ATP10B: variants seen among roughly 807,000 people sequenced by gnomAD.
ATP10B encodes the protein ATPase phospholipid transporting 10B (putative).
Under a neutral mutation model 141.2 loss-of-function variants are expected in ATP10B, and 122 were observed. The observed-to-expected ratio is 0.86, with a 90% CI of 0.75 to 1.00. The LOEUF (loss-of-function observed/expected upper bound fraction) is 1.00, where lower values mean the gene tolerates loss of function less well. Ranked by LOEUF, ATP10B falls within the 50% of genes least tolerant of loss-of-function variation. ATP10B has a pLI of 0.00. For synonymous variants in ATP10B, 685 were observed against 692.0 expected (o/e 0.99, Z 0.16); for missense variants, 1,876 against 1,825.3 (o/e 1.03, Z -0.51).
chr5:160,914,482 G>A, the ATP10B span, among the ~76,000 whole-genome samples: 136 of 152,186 alleles, frequency 8.9e-4, no homozygotes, highest in African/African-American at 3.0e-3. Context: ...TGTATAAATC[G>A]TCTCTAGATT....
Position 160,569,689 on chromosome 5 carries a change from G to A in ATP10B, c.3751-6C>T. 6.4e-7 allele frequency: 1 copy of A among 1,550,874 alleles called. No individual in the cohort carries two copies. Among genetic ancestry groups the A allele is most frequent in the Non-Finnish European group, 8.7e-7 (1 of 1,150,852 alleles). The stretch of plus-strand genomic sequence containing the variant: ...ACGACTCCGTGGAAAATGGTCTGTG[G>A]AGGGAAATAAGCAAACACTGTTGAA... On this transcript the variant is annotated splice_polypyrimidine_tract_variant and splice_region_variant and intron_variant, in intron 24 of 25. Coordinates refer to ENST00000327245, the MANE Select transcript of ATP10B (RefSeq NM_025153.3).
chr5:160,859,687 A>G, the ATP10B span, among the ~76,000 whole-genome samples: 7 of 152,052 alleles, frequency 4.6e-5, no homozygotes, highest in Admixed American at 4.6e-4. Context: ...TCTAGAGTTG[A>G]TTGTTTCCCA....
chr5:160,746,276 T>G (rs9313857), intron 2 of ATP10B, among the ~76,000 whole-genome samples: 39,193 of 152,118 alleles, frequency 0.26, 5,216 homozygotes, highest in East Asian at 0.48. Flanking sequence ...TGGTGGGGGT[T>G]ATATATGAGG....
chr5:160,745,227 C>T (rs113214312), intron 2 of ATP10B, among the ~76,000 whole-genome samples: 6 of 152,198 alleles, frequency 3.9e-5, no homozygotes, highest in African/African-American at 1.4e-4. Context: ...TGTAGGATTT[C>T]ACTTTTTTTT....
chr5:160,714,901 G>A (rs1454171525), intron 3 of ATP10B, among the ~76,000 whole-genome samples: 3 of 143,418 alleles, frequency 2.1e-5, no homozygotes, highest in Non-Finnish European at 4.6e-5. Context: ...GGCCCTGCTG[G>A]GGGGTGCCTC....
the ATP10B span, among the ~76,000 whole-genome samples, chr5:160,895,370 A>T: frequency 6.7e-6 from 1 of 150,076 alleles, no homozygotes; most frequent in East Asian, 2.0e-4. Flanking sequence ...TTTACCAAGC[A>T]AAAGGAAAGC....
At chr5:160,824,615 A>G (rs1219349298) in intron 1 of ATP10B, among the ~76,000 whole-genome samples, 3 of 152,350 alleles carry the variant, frequency 2.0e-5, no homozygotes, top group East Asian at 3.9e-4. Flanking sequence ...GATATAGCCT[A>G]TTGCTCCTAG....
chr5:160,810,874 T>C (rs1212454534), intron 1 of ATP10B, among the ~76,000 whole-genome samples: 1 of 152,254 alleles, frequency 6.6e-6, no homozygotes, highest in African/African-American at 2.4e-5. Context: ...TTTTTTTCAG[T>C]TACAAACTTT....
chr5:160,687,788 G>C lies in ATP10B; in HGVS notation c.275+12C>G. 6.2e-7 allele frequency: 1 copy of C among 1,611,024 alleles called. No individual in the cohort carries two copies. Reference sequence around the variant, plus strand: ...TCTAAAAAGAGTATTGTTCAGACAAGTGGATCTCTACCTATGAAATTGCTC... The same window carrying C: ...TCTAAAAAGAGTATTGTTCAGACAACTGGATCTCTACCTATGAAATTGCTC... On this transcript the variant is annotated intron_variant, in intron 5 of 25. Transcript: ENST00000327245.
At chr5:160,673,514 A>G (rs372988354) in intron 6 of ATP10B, among the ~76,000 whole-genome samples, 3 of 129,724 alleles carry the variant, frequency 2.3e-5, no homozygotes, top group African/African-American at 8.9e-5. Flanking sequence ...ACTAGGTCTT[A>G]ATCATTCTAT....
intron 12 of ATP10B, 63 bp downstream of exon 12, chr5:160,634,291 T>C (rs1419808079): frequency 6.2e-7 from 1 of 1,609,620 alleles, no homozygotes; most frequent in Admixed American, 1.7e-5. Flanking sequence ...ATCTCCTCGT[T>C]TCTTAGGAGA....
At chr5:160,847,018 AAT>A (rs1187367413) in intron 1 of ATP10B, among the ~76,000 whole-genome samples, 2 of 152,216 alleles carry the variant, frequency 1.3e-5, no homozygotes, top group Non-Finnish European at 2.9e-5. Context: ...GGCTACTTCC[AAT>A]ATTACCTCTT....
the ATP10B span, among the ~76,000 whole-genome samples, chr5:160,912,208 A>G: frequency 2.2e-4 from 33 of 152,154 alleles, no homozygotes; most frequent in Non-Finnish European, 1.2e-4. Context: ...AAATTGGAAT[A>G]AAATAATGAA....
At chr5:160,681,871 T>C (rs544665499) in intron 6 of ATP10B, among the ~76,000 whole-genome samples, 5 of 152,326 alleles carry the variant, frequency 3.3e-5, no homozygotes, top group Non-Finnish European at 7.3e-5. Flanking sequence ...GCTCAGACAA[T>C]CTGGCAACAA....
chr5:160,666,670 C>G (rs1317337457), intron 7 of ATP10B, among the ~76,000 whole-genome samples: 1 of 152,116 alleles, frequency 6.6e-6, no homozygotes, highest in African/African-American at 2.4e-5. Flanking sequence ...ACCGAGTTAG[C>G]CAGAAGCGAG....
chr5:160,808,201 A>C (rs1484441782), intron 1 of ATP10B, among the ~76,000 whole-genome samples: 3 of 152,200 alleles, frequency 2.0e-5, no homozygotes, highest in Non-Finnish European at 4.4e-5. Flanking sequence ...ATTATGGTAA[A>C]TCTTCTAAGG....
chr5:160,883,522 TAAGCACTAG>T, the ATP10B span, among the ~76,000 whole-genome samples: 8 of 152,118 alleles, frequency 5.3e-5, no homozygotes, highest in South Asian at 6.2e-4. Flanking sequence ...AATAGTAAAT[TAAGCACTAG>T]AAGCACTAGA....
upstream of ATP10B, among the ~76,000 whole-genome samples, chr5:160,855,729 A>T (rs12521374): frequency 0.74 from 112,315 of 151,738 alleles, 42,993 homozygotes; most frequent in East Asian, 0.97. Flanking sequence ...TATGAATTAC[A>T]TTTAAGTCTA....
chr5:160,785,590 T>G lies in ATP10B; in HGVS notation c.-362A>C. ...GGTAGATTTCAAGTCTTGTTCCTCT[T>G]TCTCCTTCCCTCCTTTTTGAAGTCT... is the stretch of plus-strand genomic sequence containing the variant. On this transcript the variant is annotated 5_prime_UTR_variant, in exon 2 of 26. Transcript: ENST00000327245. The G allele has an allele frequency of 1.0e-6, 1 of 1,002,414 alleles. No homozygotes were observed. Among genetic ancestry groups the G allele is most frequent in the Non-Finnish European group, 1.4e-6 (1 of 727,250 alleles). 62.1% of individuals were successfully genotyped at this position (1,002,414 alleles called of 1,614,324 possible). A position where few individuals can be genotyped will look rare whatever the true frequency, so the allele number is the denominator to read the frequency against.
Sources: gnomAD v4.1 joint callset for allele counts (sites outside exome capture counted in the v4.1 genomes callset) on GRCh38, gnomAD v4.1.1 for gene constraint, MANE v1.5 for transcripts, NCBI Gene and HGNC (gene_info 2026-07-23, HGNC 2026-07-21) for gene names.